ZC3H12B: variants seen among roughly 807,000 people sequenced by gnomAD.
ZC3H12B encodes the protein probable ribonuclease ZC3H12B.
A neutral mutation model predicts 43.9 loss-of-function variants in ZC3H12B; 7 were observed. The observed-to-expected ratio is 0.16, with a 90% CI of 0.09 to 0.30. ZC3H12B has a LOEUF of 0.30. Among genes scored for constraint, ZC3H12B ranks in the 10% least tolerant of loss-of-function variants. The pLI is 1.00. For missense variants in ZC3H12B, 475 were observed against 670.2 expected (o/e 0.71, Z 3.22); for synonymous variants, 222 against 241.7 (o/e 0.92, Z 0.76).
At chrX:65,247,255 G>A in the ZC3H12B span, among the ~76,000 whole-genome samples, 1 of 112,430 alleles carries the variant, frequency 8.9e-6, no homozygotes, top group South Asian at 3.7e-4. Context: ...TGGTGAGGTT[G>A]TGGAGAAAGA....
At chrX:65,191,273 GTC>G in the ZC3H12B span, among the ~76,000 whole-genome samples, 10 of 52,451 alleles carry the variant, frequency 1.9e-4, no homozygotes, top group Non-Finnish European at 3.1e-4. Flanking sequence ...TTTTGGTTGT[GTC>G]TCTGCCCGGC....
chrX:65,105,086 A>C, the ZC3H12B span, among the ~76,000 whole-genome samples: 2,046 of 111,556 alleles, frequency 0.018, 60 homozygotes, highest in African/African-American at 0.063. Context: ...AAAAAGAATG[A>C]GTTCCTGTCC....
chrX:65,506,279 A>G (rs759495129), exon 5 of ZC3H12B: 2 of 112,691 alleles, frequency 1.8e-5, no homozygotes, highest in Admixed American at 9.4e-5. Context: ...AAAAAGTGTC[A>G]GTGTTAGTGA....
chrX:65,472,243 A>G (rs930805205), intron 3 of ZC3H12B, among the ~76,000 whole-genome samples: 1 of 111,564 alleles, frequency 9.0e-6, no homozygotes, highest in Non-Finnish European at 1.9e-5. Flanking sequence ...ATTTATTTTC[A>G]TTGTTATTGA....
At chrX:65,382,151 AAAG>A (rs1410312526) in intron 2 of ZC3H12B, among the ~76,000 whole-genome samples, 1 of 111,420 alleles carries the variant, frequency 9.0e-6, no homozygotes, top group Non-Finnish European at 1.9e-5. Context: ...CACAACCAAA[AAAG>A]AGAATTTTAG....
At chrX:65,131,012 C>T in the ZC3H12B span, among the ~76,000 whole-genome samples, 1 of 111,617 alleles carries the variant, frequency 9.0e-6, no homozygotes, top group African/African-American at 3.3e-5. Flanking sequence ...GATGGTGGAC[C>T]CTTGCATAGT....
intron 3 of ZC3H12B, among the ~76,000 whole-genome samples, chrX:65,452,140 C>T (rs754855346): frequency 1.8e-5 from 2 of 111,311 alleles, no homozygotes; most frequent in Non-Finnish European, 3.8e-5. Flanking sequence ...GTTGCCCACT[C>T]TCACCACTTC....
At chrX:65,175,932 G>A in the ZC3H12B span, among the ~76,000 whole-genome samples, 1 of 112,188 alleles carries the variant, frequency 8.9e-6, no homozygotes, top group African/African-American at 3.2e-5. Flanking sequence ...CACCACTGGG[G>A]CCCTGGGTTT....
chrX:65,108,061 G>C, the ZC3H12B span, among the ~76,000 whole-genome samples: 1 of 111,031 alleles, frequency 9.0e-6, no homozygotes, highest in Non-Finnish European at 1.9e-5. Flanking sequence ...ATTAAAAATG[G>C]TACACCTGTA....
chrX:65,062,973 G>A, the ZC3H12B span, among the ~76,000 whole-genome samples: 2 of 111,265 alleles, frequency 1.8e-5, no homozygotes, highest in Non-Finnish European at 3.8e-5. Flanking sequence ...TCTATTATTG[G>A]TGTTTAGAAA....
the ZC3H12B span, among the ~76,000 whole-genome samples, chrX:65,110,228 C>T: frequency 9.1e-6 from 1 of 109,876 alleles, no homozygotes; most frequent in Non-Finnish European, 1.9e-5. Flanking sequence ...ATATTTTCTC[C>T]TAGCCTGTAG....
intron 3 of ZC3H12B, among the ~76,000 whole-genome samples, chrX:65,462,386 C>T (rs1460900980): frequency 1.8e-5 from 2 of 110,730 alleles, no homozygotes; most frequent in Non-Finnish European, 3.8e-5. Flanking sequence ...GCGACAGGCG[C>T]CTGTGATCCT....
At chrX:65,152,607 A>C in the ZC3H12B span, among the ~76,000 whole-genome samples, 13 of 111,634 alleles carry the variant, frequency 1.2e-4, no homozygotes, top group Non-Finnish European at 2.1e-4. Context: ...ATGGAAGAAC[A>C]TTCCATGCTC....
At chrX:65,143,242 G>A in the ZC3H12B span, among the ~76,000 whole-genome samples, 2 of 110,948 alleles carry the variant, frequency 1.8e-5, no homozygotes, top group African/African-American at 6.6e-5. Flanking sequence ...ATATTCTTAA[G>A]GTTTTTTTGT....
At chrX:65,231,000 T>C in the ZC3H12B span, among the ~76,000 whole-genome samples, 2 of 112,098 alleles carry the variant, frequency 1.8e-5, no homozygotes, top group South Asian at 3.7e-4. Flanking sequence ...TAAGCAATTA[T>C]TGGGGGAACC....
At chrX:65,102,781 AAGAG>A in the ZC3H12B span, among the ~76,000 whole-genome samples, 1 of 111,505 alleles carries the variant, frequency 9.0e-6, no homozygotes, top group Non-Finnish European at 1.9e-5. Context: ...AAGAGTACAA[AAGAG>A]AGAAATTTTA....
At chrX:65,086,407 GT>G in the ZC3H12B span, among the ~76,000 whole-genome samples, 1 of 110,523 alleles carries the variant, frequency 9.0e-6, no homozygotes, top group African/African-American at 3.3e-5. Context: ...TCTTTATCTT[GT>G]TCAGCAATTG....
the ZC3H12B span, among the ~76,000 whole-genome samples, chrX:65,125,504 G>A: frequency 9.0e-6 from 1 of 111,580 alleles, no homozygotes; most frequent in African/African-American, 3.2e-5. Flanking sequence ...TTGTTGTAGA[G>A]TATAGTTTGA....
At chrX:65,373,986 A>ATATATATAGTATATATATATAC (rs1569379791) in intron 2 of ZC3H12B, among the ~76,000 whole-genome samples, 1 of 28,903 alleles carries the variant, frequency 3.5e-5, no homozygotes, top group Non-Finnish European at 5.1e-5. Flanking sequence ...TATATATACT[A>ATATATATAGTATATATATATAC]TATATATATA....
Sources: gnomAD v4.1 joint callset for allele counts (sites outside exome capture counted in the v4.1 genomes callset) on GRCh38, gnomAD v4.1.1 for gene constraint, MANE v1.5 for transcripts, NCBI Gene and HGNC (gene_info 2026-07-23, HGNC 2026-07-21) for gene names.